PIEZO2: variants seen among roughly 807,000 people sequenced by gnomAD.
PIEZO2 encodes piezo-type mechanosensitive ion channel component 2.
Under a neutral mutation model 337.3 loss-of-function variants are expected in PIEZO2, and 172 were observed. The ratio of observed to expected loss-of-function variants is 0.51; its 90% CI spans 0.45 to 0.58. The LOEUF is 0.58. PIEZO2 is among the 20% of genes least tolerant of loss of function. The pLI is 0.00. For synonymous variants in PIEZO2, 1,251 were observed against 1,228.5 expected (o/e 1.02, Z -0.38); for missense variants, 3,028 against 3,391.3 (o/e 0.89, Z 2.66).
Position 11,077,363 on chromosome 18 carries a change from C to T in PIEZO2, c.65-11141G>A, listed in dbSNP as rs930553957. ...GCTTTGGTTTGTGTCATGGTATTTGCTGATTTAGAAATCACTAATCAGGCC... is the reference window on the plus strand; with the variant it reads ...GCTTTGGTTTGTGTCATGGTATTTGTTGATTTAGAAATCACTAATCAGGCC... On this transcript the variant is annotated intron_variant, in intron 1 of 55. Transcript: ENST00000674853. The surrounding 1 kb of genome is among the most constrained non-coding windows in gnomAD (Gnocchi z 4.8). Among the ~76,000 whole-genome samples the T allele has an allele frequency of 1.3e-5, 2 of 152,152 alleles. No individual in the cohort carries two copies. The highest frequency in any genetic ancestry group is 2.9e-5 in the Non-Finnish European group (2 of 68,034).
rs1428635748 is a variant in PIEZO2 at position 10,704,598 on chromosome 18, G to A, written c.6054C>T (p.Pro2018=). Residue 2018 remains proline (P), a synonymous_variant, in exon 42 of 56, where the codon CCC becomes CCT. Transcript: ENST00000674853. The part of the protein sequence containing the change: ...EESEKFYVGQ[P]RFLLLFYAMY... ...TGGCATAGAAGAGCAGCAGAAATCGGGGCTGCCCCACGTAGAATTTCTCTG... is the reference window on the plus strand; with the variant it reads ...TGGCATAGAAGAGCAGCAGAAATCGAGGCTGCCCCACGTAGAATTTCTCTG... 4 of 1,537,254 alleles carry A rather than the reference G, an allele frequency of 2.6e-6. No individual in the cohort carries two copies. Among genetic ancestry groups the A allele is most frequent in the Non-Finnish European group, 2.6e-6 (3 of 1,146,908 alleles).
chr18:11,023,520 A>C (rs2036395603), intron 2 of PIEZO2, among the ~76,000 whole-genome samples: 1 of 152,180 alleles, frequency 6.6e-6, no homozygotes, highest in Non-Finnish European at 1.5e-5. Flanking sequence ...TGGTGTATTT[A>C]CAATCCCTTA....
chr18:11,086,511 T>C (rs1342427518), intron 1 of PIEZO2, among the ~76,000 whole-genome samples: 5 of 143,978 alleles, frequency 3.5e-5, no homozygotes, highest in Admixed American at 2.0e-4. Flanking sequence ...AGAGCGAGAC[T>C]CCGTCTCAAA....
chr18:11,148,840 C>T lies in PIEZO2; in HGVS notation c.-252G>A, dbSNP rs2040877790. 2 of 426,504 alleles carry T rather than the reference C, an allele frequency of 4.7e-6. No individual in the cohort carries two copies. The highest frequency in any genetic ancestry group is 8.2e-6 in the Non-Finnish European group (2 of 243,408). The allele number at this position is 426,504 out of a possible 1,614,324, so 26.4% of individuals were successfully genotyped here. ...GGCGGCCACCTAGCCCGGCGCCCGG[C>T]CCCCTGCGGCCGGCCCATTTAGTGT... is the stretch of plus-strand genomic sequence containing the variant. On this transcript the variant is annotated 5_prime_UTR_variant, in exon 1 of 56. Coordinates refer to ENST00000674853, the MANE Select transcript of PIEZO2 (RefSeq NM_001378183.1). This position sits in a 1 kb window ranked among gnomAD's most constrained non-coding sequence, Gnocchi z 5.2.
intron 3 of PIEZO2, among the ~76,000 whole-genome samples, chr18:10,963,513 G>GT (rs1012820892): frequency 2.0e-5 from 3 of 152,066 alleles, no homozygotes; most frequent in African/African-American, 7.2e-5. Flanking sequence ...ACATTAACCG[G>GT]TTACATTAGA....
At position 10,895,090 on chromosome 18, in the gene PIEZO2, T is replaced by G. The variant is rs1461620120; in HGVS notation, c.329+16096A>C. ...CTGTCATTTGCCCAGAGGCAACATG[T>G]GTCCTCCAGGCACTTAGATGCCACT... On this transcript the variant is annotated intron_variant, in intron 4 of 55. Coordinates refer to ENST00000674853, the MANE Select transcript of PIEZO2 (RefSeq NM_001378183.1). This position sits in a 1 kb window ranked among gnomAD's most constrained non-coding sequence, Gnocchi z 4.8. Among the ~76,000 whole-genome samples, 1 of 152,194 alleles carries G rather than the reference T, an allele frequency of 6.6e-6. No homozygotes were observed. The highest frequency in any genetic ancestry group is 1.9e-4 in the East Asian group (1 of 5,184).
intron 1 of PIEZO2, among the ~76,000 whole-genome samples, chr18:11,103,122 G>T (rs1230353305): frequency 6.6e-6 from 1 of 152,126 alleles, no homozygotes; most frequent in East Asian, 1.9e-4. Context: ...GGGGAGACAT[G>T]GAAGCAAACT....
At chr18:10,987,928 T>A (rs1422028890) in intron 2 of PIEZO2, among the ~76,000 whole-genome samples, 1 of 152,090 alleles carries the variant, frequency 6.6e-6, no homozygotes, top group Non-Finnish European at 1.5e-5. Context: ...CTAGCAGATA[T>A]ACAAAGAACT....
In PIEZO2 at chr18:10,803,965, G is replaced by T. The variant is rs1489960608; in HGVS notation, c.1110C>A (p.Asp370Glu). The part of the protein sequence containing the change: ...LVQDEGTKEE[D>E]KALACSPIQI... ...GGATGGGGCTACAAGCCAGGGCTTT[G>T]TCCTCTTCTTTGGTCCCCTCATCCT... Residue 370 changes from aspartate (D) to glutamate (E), a missense_variant, in exon 9 of 56, where the codon GAC (aspartate) becomes GAA (glutamate). Asp to Glu is a conservative substitution (Grantham distance 45). Around this residue, in one of 5 missense-constraint regions of PIEZO2, gnomAD observed 542 missense variants for 605.6 expected, o/e 0.89. Transcript: ENST00000674853. 3.3e-6 allele frequency: 5 copies of T among 1,537,224 alleles called. No homozygotes were observed. The East Asian group carries it at 1.2e-4, about 38-fold the overall frequency.
At chr18:10,827,342 C>A (rs2040705057) in intron 7 of PIEZO2, among the ~76,000 whole-genome samples, 2 of 152,014 alleles carry the variant, frequency 1.3e-5, no homozygotes, top group Admixed American at 1.3e-4. Context: ...CTTGTATATT[C>A]CTCAGTTTTC....
intron 51 of PIEZO2, 87 bp downstream of exon 51, chr18:10,681,574 C>T: frequency 8.8e-7 from 1 of 1,136,260 alleles, no homozygotes. Context: ...CCCACCACCT[C>T]AGGCCATGGC....
chr18:10,724,603 G>A lies in PIEZO2; in HGVS notation c.5030-6344C>T, dbSNP rs1486551344. 1 of 628,168 alleles carries A rather than the reference G, an allele frequency of 1.6e-6. No homozygotes were observed. The highest frequency in any genetic ancestry group is 2.9e-6 in the Non-Finnish European group (1 of 349,646). 38.9% of individuals were successfully genotyped at this position (628,168 alleles called of 1,614,324 possible). A position where few individuals can be genotyped will look rare whatever the true frequency, so the allele number is the denominator to read the frequency against. On this transcript the variant is annotated intron_variant, in intron 36 of 55. Transcript: ENST00000674853. The surrounding 1 kb of genome is among the most constrained non-coding windows in gnomAD (Gnocchi z 5.8). ...GAGTTGGAGTGACCCAGCTGGATGT[G>A]ACCCCCAAGACAGAATGGTGCTGGA...
chr18:10,886,308 C>T, intron 4 of PIEZO2, among the ~76,000 whole-genome samples: 1 of 82,388 alleles, frequency 1.2e-5, no homozygotes, highest in African/African-American at 5.9e-5. Flanking sequence ...CAGATGGTAC[C>T]AAACCCTATA....
Position 11,148,792 on chromosome 18 carries a change from G to C in PIEZO2, c.-204C>G. 1 of 513,942 alleles carries C rather than the reference G, an allele frequency of 1.9e-6. No individual in the cohort carries two copies. The highest frequency in any genetic ancestry group is 2.9e-5 in the South Asian group (1 of 34,860). The allele number at this position is 513,942 out of a possible 1,614,324, so 31.8% of individuals were successfully genotyped here. ...GGCCGCCCCTCGCCCACCGGGCTCT[G>C]GGTAGCCCCTCACCAGGCTCTTGGC... On this transcript the variant is annotated 5_prime_UTR_variant, in exon 1 of 56. Transcript: ENST00000674853. The surrounding 1 kb of genome is among the most constrained non-coding windows in gnomAD (Gnocchi z 5.2).
At chr18:11,079,167 T>C (rs2038649130) in intron 1 of PIEZO2, among the ~76,000 whole-genome samples, 1 of 152,212 alleles carries the variant, frequency 6.6e-6, no homozygotes, top group Non-Finnish European at 1.5e-5. Context: ...AGACGTTGTT[T>C]CACTTTCCCT....
At chr18:10,740,926 G>T in intron 33 of PIEZO2, 105 bp downstream of exon 33, 1 of 1,197,762 alleles carries the variant, frequency 8.3e-7, no homozygotes, top group Non-Finnish European at 1.2e-6. Context: ...AAGTCACAAG[G>T]ATCAAACCAT....
Sources: gnomAD v4.1 joint callset for allele counts (sites outside exome capture counted in the v4.1 genomes callset) on GRCh38, gnomAD v4.1.1 for gene constraint, gnomAD v4.1.1 regional missense constraint, Gnocchi (gnomAD v3.1) non-coding constraint, MANE v1.5 for transcripts, NCBI Gene and HGNC (gene_info 2026-07-23, HGNC 2026-07-21) for gene names.